The following KIF6 variants were observed in gnomAD, a reference collection of about 807,000 sequenced individuals.
The protein encoded by KIF6 is kinesin family member 6.
KIF6 carries 106 observed loss-of-function variants against 112.7 expected under a neutral mutation model. That is an observed-to-expected ratio of 0.94 (90% CI 0.80 to 1.11). The LOEUF (loss-of-function observed/expected upper bound fraction) is 1.11, where lower values mean the gene tolerates loss of function less well. Ranked by LOEUF, KIF6 falls within the 50% of genes least tolerant of loss-of-function variation. The pLI, the probability that KIF6 is intolerant of heterozygous loss-of-function variation, is 0.00. For missense variants in KIF6, 929 were observed against 964.0 expected (o/e 0.96, Z 0.48); for synonymous variants, 339 against 339.9 (o/e 1.00, Z 0.03).
At chr6:39,365,079 T>C (rs775527649) in intron 16 of KIF6, among the ~76,000 whole-genome samples, 1 of 152,236 alleles carries the variant, frequency 6.6e-6, no homozygotes, top group Non-Finnish European at 1.5e-5. Context: ...GAGGTCCTTA[T>C]TCTGTCACGC....
chr6:39,345,986 G>A (rs1763683727), intron 20 of KIF6, among the ~76,000 whole-genome samples, 197 bp from the exon 21 acceptor site: 4 of 147,628 alleles, frequency 2.7e-5, no homozygotes, highest in Admixed American at 1.3e-4. Flanking sequence ...GGTCCTGAGG[G>A]TAGGGCCCCT....
intron 6 of KIF6, among the ~76,000 whole-genome samples, chr6:39,606,147 C>A (rs941358363): frequency 6.6e-6 from 1 of 151,742 alleles, no homozygotes; most frequent in South Asian, 2.1e-4. Context: ...TCTCCTATAT[C>A]TTCTCTTCCT....
chr6:39,565,209 A>ATTT (rs386406790), intron 10 of KIF6, among the ~76,000 whole-genome samples: 1 of 104,012 alleles, frequency 9.6e-6, no homozygotes, highest in African/African-American at 7.5e-5. Context: ...TATTTGGATA[A>ATTT]TTTTGCAGTA....
chr6:39,429,735 C>CT (rs1771010611), intron 14 of KIF6, among the ~76,000 whole-genome samples: 1 of 152,056 alleles, frequency 6.6e-6, no homozygotes, highest in African/African-American at 2.4e-5. Context: ...AGTGAAACCC[C>CT]GTCTCTACTA....
At position 39,637,374 on chromosome 6, in the gene KIF6, G is replaced by A. The variant is rs1023165181; in HGVS notation, c.399+2236C>T. Among the ~76,000 whole-genome samples the A allele has an allele frequency of 2.0e-5, 3 of 152,076 alleles. No individual in the cohort carries two copies. In the South Asian group the frequency reaches 6.2e-4, roughly 32 times the overall value. On this transcript the variant is annotated intron_variant, in intron 4 of 22. Transcript: ENST00000287152. ...TTACTCCTTTTTAGTGTTTAGGATT[G>A]CCAGACTGTAATGTAACACACATGT...
chr6:39,563,659 T>G (rs1486823228), intron 10 of KIF6, among the ~76,000 whole-genome samples: 1 of 152,172 alleles, frequency 6.6e-6, no homozygotes, highest in Non-Finnish European at 1.5e-5. Context: ...GAAGTAAAAT[T>G]GCTGGACCTG....
At chr6:39,621,000 C>A (rs949842973) in intron 5 of KIF6, among the ~76,000 whole-genome samples, 2 of 151,978 alleles carry the variant, frequency 1.3e-5, no homozygotes, top group Non-Finnish European at 1.5e-5. Context: ...AACTCCTGAC[C>A]TTAGGTGATT....
In KIF6 at chr6:39,596,178, A is replaced by ACAGTTG. The variant is rs1343014184; in HGVS notation, c.716_721dup (p.Ala239_Thr240dup). The ACAGTTG allele has an allele frequency of 6.2e-7, 1 of 1,614,102 alleles. No individual in the cohort carries two copies. Among genetic ancestry groups the ACAGTTG allele is most frequent in the South Asian group, 1.1e-5 (1 of 91,090 alleles). On this transcript the variant is annotated inframe_insertion, in exon 7 of 23. Transcript: ENST00000287152. ...AACCAGATGGAGTTTGGCATGTCGT[A>ACAGTTG]CAGTTGCAGATCCTGGTTCCTTGCT...
intron 10 of KIF6, among the ~76,000 whole-genome samples, chr6:39,551,927 T>C (rs1269388453): frequency 6.6e-6 from 1 of 152,224 alleles, no homozygotes; most frequent in Non-Finnish European, 1.5e-5. Flanking sequence ...GCCTGGCCTA[T>C]TAAGGCTTTG....
chr6:39,392,221 A>T (rs1767953365), intron 15 of KIF6, among the ~76,000 whole-genome samples: 1 of 152,154 alleles, frequency 6.6e-6, no homozygotes, highest in African/African-American at 2.4e-5. Context: ...TATGCATCTA[A>T]TTCTCAGTTT....
chr6:39,347,474 G>A (rs1763895903), intron 19 of KIF6, among the ~76,000 whole-genome samples: 1 of 152,234 alleles, frequency 6.6e-6, no homozygotes, highest in Non-Finnish European at 1.5e-5. Flanking sequence ...GGGAGGTGAA[G>A]AGGCGCGTGG....
At chr6:39,698,618 A>T (rs572487357) in intron 3 of KIF6, among the ~76,000 whole-genome samples, 68 of 152,366 alleles carry the variant, frequency 4.5e-4, no homozygotes, top group African/African-American at 1.5e-3. Context: ...GACACTCCCA[A>T]GTGAAAATAT....
intron 6 of KIF6, among the ~76,000 whole-genome samples, chr6:39,612,673 T>C (rs1783282533): frequency 2.0e-5 from 3 of 152,208 alleles, no homozygotes. Context: ...ATGCATAGAA[T>C]ACTCCCTATG....
intron 16 of KIF6, among the ~76,000 whole-genome samples, chr6:39,371,857 C>A (rs1407376562): frequency 1.3e-5 from 2 of 151,982 alleles, no homozygotes; most frequent in Non-Finnish European, 2.9e-5. Flanking sequence ...TGAAACCACC[C>A]CAAATTAGGA....
intron 10 of KIF6, among the ~76,000 whole-genome samples, chr6:39,560,434 A>G (rs1375085095): frequency 1.3e-5 from 2 of 152,220 alleles, no homozygotes; most frequent in African/African-American, 2.4e-5. Flanking sequence ...TGTAAGTCAC[A>G]TCACTTCTCT....
At chr6:39,705,726 C>T (rs1789168180) in intron 3 of KIF6, among the ~76,000 whole-genome samples, 1 of 152,216 alleles carries the variant, frequency 6.6e-6, no homozygotes, top group Non-Finnish European at 1.5e-5. Flanking sequence ...ACCCTGGCTT[C>T]TTTGCCCCTT....
chr6:39,373,513 C>T (rs1433911077), intron 16 of KIF6, among the ~76,000 whole-genome samples: 1 of 151,992 alleles, frequency 6.6e-6, no homozygotes, highest in East Asian at 1.9e-4. Context: ...TAAGTGAGTT[C>T]AGTAAAGTTA....
chr6:39,435,303 A>G (rs373122298), intron 13 of KIF6, among the ~76,000 whole-genome samples: 5 of 152,322 alleles, frequency 3.3e-5, no homozygotes, highest in South Asian at 4.1e-4. Flanking sequence ...TACTACCTGC[A>G]TAGTTTACTT....
chr6:39,362,386 A>G (rs1581676493), intron 17 of KIF6, 48 bp downstream of exon 17: 1 of 1,425,642 alleles, frequency 7.0e-7, no homozygotes, highest in East Asian at 2.3e-5. Flanking sequence ...CGACACTGAG[A>G]CCCTGGGAGG....
Sources: gnomAD v4.1 joint callset for allele counts (sites outside exome capture counted in the v4.1 genomes callset) on GRCh38, gnomAD v4.1.1 for gene constraint, MANE v1.5 for transcripts, NCBI Gene and HGNC (gene_info 2026-07-23, HGNC 2026-07-21) for gene names.